RPS6KC1: variants seen among roughly 807,000 people sequenced by gnomAD.
The protein encoded by RPS6KC1 is ribosomal protein S6 kinase C1.
In RPS6KC1, 54 loss-of-function variants were observed where a neutral mutation model predicts 103.8. That is an observed-to-expected ratio of 0.52 (90% CI 0.42 to 0.65). The LOEUF is 0.65. Among genes scored for constraint, RPS6KC1 ranks in the 30% least tolerant of loss-of-function variants. The pLI, the probability that RPS6KC1 is intolerant of heterozygous loss-of-function variation, is 0.00. For missense variants in RPS6KC1, 1,151 were observed against 1,253.8 expected, an observed-to-expected ratio of 0.92 and a Z score of 1.24; for synonymous variants, 439 against 438.7, an observed-to-expected ratio of 1.00 and a Z score of -0.01.
the RPS6KC1 span, among the ~76,000 whole-genome samples, chr1:213,441,965 TAC>T: frequency 6.6e-6 from 1 of 152,226 alleles, no homozygotes; most frequent in East Asian, 1.9e-4. Flanking sequence ...CATAAATTTA[TAC>T]AGTTATAAAC....
chr1:213,224,038 C>G (rs1290876874), intron 8 of RPS6KC1, among the ~76,000 whole-genome samples: 2 of 152,288 alleles, frequency 1.3e-5, no homozygotes, highest in East Asian at 1.9e-4. Context: ...TGAATCCCCA[C>G]TGAAGGGAAC....
At chr1:213,815,700 C>A in the RPS6KC1 span, among the ~76,000 whole-genome samples, 1 of 152,190 alleles carries the variant, frequency 6.6e-6, no homozygotes, top group Non-Finnish European at 1.5e-5. Context: ...TTTATTCAGA[C>A]CACTCTAACT....
At chr1:213,188,355 G>T (rs556207313) in intron 8 of RPS6KC1, among the ~76,000 whole-genome samples, 64 of 152,070 alleles carry the variant, frequency 4.2e-4, no homozygotes, top group African/African-American at 1.5e-3. Flanking sequence ...AATGGAGGGG[G>T]AGGGGTGTCA....
the RPS6KC1 span, among the ~76,000 whole-genome samples, chr1:213,359,345 T>A: frequency 6.6e-6 from 1 of 152,236 alleles, no homozygotes; most frequent in Admixed American, 6.5e-5. Flanking sequence ...TTTGTTGGTT[T>A]AAAGTCTGTT....
intron 7 of RPS6KC1, among the ~76,000 whole-genome samples, chr1:213,168,446 A>G (rs1352533675): frequency 6.6e-6 from 1 of 152,206 alleles, no homozygotes. Flanking sequence ...GACTTGTCTA[A>G]AACGCAGATG....
At chr1:213,673,876 G>T in the RPS6KC1 span, among the ~76,000 whole-genome samples, 1 of 152,072 alleles carries the variant, frequency 6.6e-6, no homozygotes, top group Non-Finnish European at 1.5e-5. Flanking sequence ...TACATGTATA[G>T]GTTTGTTACA....
chr1:213,516,580 C>A, the RPS6KC1 span, among the ~76,000 whole-genome samples: 1 of 152,202 alleles, frequency 6.6e-6, no homozygotes, highest in Admixed American at 6.5e-5. Flanking sequence ...GGGATGAAGC[C>A]TACTTGATCA....
At position 213,271,696 on chromosome 1, in the gene RPS6KC1, G is replaced by A. The variant is rs558057294; in HGVS notation, c.3091-828G>A. Among the ~76,000 whole-genome samples the A allele has an allele frequency of 1.3e-4, 20 of 150,902 alleles. No individual in the cohort carries two copies. In the South Asian group the frequency reaches 3.6e-3, roughly 27 times the overall value. ...GGAGAATGACGTGAACCCGGGAGGC[G>A]GAGCTTGCAGTGAGTCGAGATCGCG... is the stretch of plus-strand genomic sequence containing the variant. On this transcript the variant is annotated intron_variant, in intron 14 of 14. Transcript: ENST00000366960.
intron 3 of RPS6KC1, among the ~76,000 whole-genome samples, chr1:213,100,592 C>T (rs1220161486): frequency 6.6e-6 from 1 of 152,046 alleles, no homozygotes; most frequent in Admixed American, 6.5e-5. Context: ...TCTTTCCATC[C>T]CCGCTTTTGG....
chr1:213,414,425 T>G, the RPS6KC1 span, among the ~76,000 whole-genome samples: 1 of 152,040 alleles, frequency 6.6e-6, no homozygotes, highest in Non-Finnish European at 1.5e-5. Flanking sequence ...ATCCCATGAG[T>G]GTCCTCACAA....
chr1:213,141,554 G>C (rs2087035069), intron 6 of RPS6KC1, among the ~76,000 whole-genome samples: 1 of 151,790 alleles, frequency 6.6e-6, no homozygotes, highest in Non-Finnish European at 1.5e-5. Context: ...CTAGAAGTCT[G>C]AATCTTATTT....
the RPS6KC1 span, among the ~76,000 whole-genome samples, chr1:213,688,759 A>G: frequency 6.6e-6 from 1 of 152,172 alleles, no homozygotes; most frequent in Non-Finnish European, 1.5e-5. Flanking sequence ...GTAACTGTGA[A>G]GCAAGTGGAG....
chr1:213,856,492 C>T, the RPS6KC1 span, among the ~76,000 whole-genome samples: 2 of 143,892 alleles, frequency 1.4e-5, no homozygotes, highest in African/African-American at 5.1e-5. Flanking sequence ...CTCCTTCCTT[C>T]CTTCCCTCCT....
the RPS6KC1 span, among the ~76,000 whole-genome samples, chr1:213,511,962 C>G: frequency 6.6e-6 from 1 of 152,172 alleles, no homozygotes; most frequent in African/African-American, 2.4e-5. Context: ...TGATGGATTC[C>G]TGCAGCCAGA....
Position 213,081,177 on chromosome 1 carries a change from A to G in RPS6KC1, c.262+3361A>G, listed in dbSNP as rs181778836. Reference sequence around the variant, plus strand: ...TCTTAGTCTGTGTAGTGTTGCTACAAAGGAATACCCGGGGCTGGGTAACTT... The same window carrying G: ...TCTTAGTCTGTGTAGTGTTGCTACAGAGGAATACCCGGGGCTGGGTAACTT... On this transcript the variant is annotated intron_variant, in intron 3 of 14. Transcript: ENST00000366960. Among the ~76,000 whole-genome samples, 6 of 152,296 alleles carry G rather than the reference A, an allele frequency of 3.9e-5. No individual in the cohort carries two copies. In the East Asian group the frequency reaches 7.7e-4, roughly 20 times the overall value.
chr1:213,051,745 G>A (rs746238557), intron 1 of RPS6KC1, among the ~76,000 whole-genome samples: 1 of 152,140 alleles, frequency 6.6e-6, no homozygotes, highest in Non-Finnish European at 1.5e-5. Flanking sequence ...TGGGGGTGGG[G>A]CAGTCAGTGG....
the RPS6KC1 span, among the ~76,000 whole-genome samples, chr1:213,452,676 G>A: frequency 6.6e-5 from 10 of 152,084 alleles, no homozygotes; most frequent in African/African-American, 2.2e-4. Flanking sequence ...CCACTGCCCC[G>A]CCTCCGCAGC....
the RPS6KC1 span, among the ~76,000 whole-genome samples, chr1:213,783,896 A>C: frequency 6.6e-6 from 1 of 151,112 alleles, no homozygotes; most frequent in Non-Finnish European, 1.5e-5. Flanking sequence ...TGATTTCTGA[A>C]TTAAACAAAT....
the RPS6KC1 span, among the ~76,000 whole-genome samples, chr1:213,505,028 GTCACTGGAGTCTA>G: frequency 6.6e-6 from 1 of 152,104 alleles, no homozygotes; most frequent in African/African-American, 2.4e-5. Flanking sequence ...CAAGATCTGG[GTCACTGGAGTCTA>G]TCAATGAAAG....
Sources: allele counts gnomAD v4.1 joint callset (sites outside exome capture counted in the v4.1 genomes callset), GRCh38; gene constraint gnomAD v4.1.1; transcripts MANE v1.5; gene names NCBI Gene and HGNC (gene_info 2026-07-23, HGNC 2026-07-21).